ADAR: variants seen among roughly 807,000 people sequenced by gnomAD.
ADAR encodes double-stranded RNA-specific adenosine deaminase.
A neutral mutation model predicts 113.2 loss-of-function variants in ADAR; 41 were observed. That is an observed-to-expected ratio of 0.36 (90% CI 0.28 to 0.47). The LOEUF (loss-of-function observed/expected upper bound fraction) is 0.47, where lower values mean the gene tolerates loss of function less well. ADAR is among the 20% of genes least tolerant of loss of function. ADAR has a pLI of 1.00. For synonymous variants in ADAR, 605 were observed against 572.6 expected, an observed-to-expected ratio of 1.06 and a Z score of -0.81; for missense variants, 1,242 against 1,540.9, an observed-to-expected ratio of 0.81 and a Z score of 3.25.
At chr1:154,586,020 G>A in intron 12 of ADAR, 155 bp from the exon 13 acceptor site, 2 of 1,188,828 alleles carry the variant, frequency 1.7e-6, no homozygotes, top group South Asian at 2.6e-5. Context: ...GGGCTACCAG[G>A]ATCTTCCTAC....
intron 1 of ADAR, among the ~76,000 whole-genome samples, chr1:154,617,259 C>A (rs961406588): frequency 6.6e-6 from 1 of 152,204 alleles, no homozygotes; most frequent in Admixed American, 6.5e-5. Flanking sequence ...TCCCTCATTG[C>A]CACCCTCAAG....
chr1:154,623,639 C>G (rs897749525), intron 1 of ADAR, among the ~76,000 whole-genome samples: 1 of 152,138 alleles, frequency 6.6e-6, no homozygotes, highest in African/African-American at 2.4e-5. Flanking sequence ...TAATTTACAA[C>G]GCTAAAAGAC....
At chr1:154,607,669 G>A (rs1698285535) in intron 1 of ADAR, among the ~76,000 whole-genome samples, 1 of 152,064 alleles carries the variant, frequency 6.6e-6, no homozygotes, top group Non-Finnish European at 1.5e-5. Flanking sequence ...CAGAATTAAT[G>A]AGCAGGATAC....
At chr1:154,627,850 C>T (rs776230388) in intron 1 of ADAR, 1 of 517,600 alleles carries the variant, frequency 1.9e-6, no homozygotes, top group Non-Finnish European at 3.8e-6. Flanking sequence ...GACAGAGGCT[C>T]TTACCGGGTC....
intron 1 of ADAR, among the ~76,000 whole-genome samples, chr1:154,613,281 C>CTTTTTTT (rs56126079): frequency 1.2e-5 from 1 of 84,662 alleles, no homozygotes; most frequent in African/African-American, 4.7e-5. Flanking sequence ...TCACAAATGG[C>CTTTTTTT]TTTTTTTTTT....
chr1:154,593,890 G>GC (rs1557875631), intron 6 of ADAR, among the ~76,000 whole-genome samples: 23 of 146,802 alleles, frequency 1.6e-4, no homozygotes, highest in Non-Finnish European at 1.5e-5. Flanking sequence ...TGATTTTTTT[G>GC]TTTTTTTTTT....
intron 6 of ADAR, among the ~76,000 whole-genome samples, chr1:154,594,220 C>T (rs907321600): frequency 1.3e-5 from 2 of 152,138 alleles, no homozygotes; most frequent in East Asian, 3.8e-4. Context: ...TTTAAAGTAA[C>T]AAGATAGCAT....
chr1:154,620,143 T>C (rs1012565195), intron 1 of ADAR, among the ~76,000 whole-genome samples: 14 of 152,200 alleles, frequency 9.2e-5, no homozygotes, highest in Admixed American at 6.5e-4. Context: ...GCGCGGTGGC[T>C]CATGCCTGTA....
chr1:154,603,981 A>C (rs1571117433), intron 1 of ADAR, among the ~76,000 whole-genome samples: 1 of 152,042 alleles, frequency 6.6e-6, no homozygotes, highest in South Asian at 2.1e-4. Flanking sequence ...CTCCATCCCT[A>C]CCTTTCTGCC....
Position 154,608,060 on chromosome 1 carries a change from G to T in ADAR, c.-54C>A. 1.3e-6 allele frequency: 2 copies of T among 1,534,638 alleles called. No homozygotes were observed. The highest frequency in any genetic ancestry group is 1.8e-6 in the Non-Finnish European group (2 of 1,140,140). ...CCCGCCGGCGGCACGACCCTGGCCCGACCGCTGGGCCGCGCCAGCCCCTCG... is the reference window on the plus strand; with the variant it reads ...CCCGCCGGCGGCACGACCCTGGCCCTACCGCTGGGCCGCGCCAGCCCCTCG... On this transcript the variant is annotated 5_prime_UTR_variant, in exon 1 of 15. Coordinates refer to ENST00000368474, the MANE Select transcript of ADAR (RefSeq NM_001111.5).
chr1:154,602,612 G>T lies in ADAR; in HGVS notation c.30C>A (p.Ser10Arg). 6.2e-7 allele frequency: 1 copy of T among 1,614,020 alleles called. No homozygotes were observed. Among genetic ancestry groups the T allele is most frequent in the African/African-American group, 1.3e-5 (1 of 75,066 alleles). Residue 10 changes from serine (S) to arginine (R), a missense_variant, in exon 2 of 15, where the codon AGC becomes AGA. Transcript: ENST00000368474. MNPRQGYSL[S>R]GYYTHPFQGY... ...CTTGAAATGGATGGGTGTAGTATCC[G>T]CTGAGGGAATACCCCTGCAGAATAA...
intron 2 of ADAR, chr1:154,600,131 T>C (rs1328478995): frequency 6.6e-6 from 1 of 152,336 alleles, no homozygotes; most frequent in Admixed American, 6.5e-5. Context: ...AGGCATGATA[T>C]TGATGCATGG....
Position 154,589,776 on chromosome 1 carries a change from G to A in ADAR, c.2649C>T (p.Val883=), listed in dbSNP as rs200989942. 4.6e-5 allele frequency: 74 copies of A among 1,613,930 alleles called. No homozygotes were observed. The highest frequency in any genetic ancestry group is 6.7e-5 in the African/African-American group (5 of 74,890). ...ACTCACCTGTTCCCAAGCTGACGAC[G>A]ACACCCATGTCCTCAGAGTCTTTTT... ...IMKKDSEDMG[V]VVSLGTGNRC... is the part of the protein sequence containing the mutation. The change falls in exon 8 of 15, where the codon GTC becomes GTT. Residue 883 remains valine, a synonymous_variant. Transcript: ENST00000368474.
intron 6 of ADAR, among the ~76,000 whole-genome samples, chr1:154,595,736 G>C (rs903271603): frequency 6.6e-6 from 1 of 152,148 alleles, no homozygotes; most frequent in Non-Finnish European, 1.5e-5. Flanking sequence ...AATAAATGTA[G>C]TTAGCCTAAG....
rs759585998 is a variant in ADAR at position 154,590,319 on chromosome 1, C to T, written c.2361G>A (p.Ala787=). The T allele has an allele frequency of 1.0e-4, 162 of 1,613,998 alleles. No homozygotes were observed. Among genetic ancestry groups the T allele is most frequent in the Admixed American group, 3.3e-5 (2 of 60,004 alleles). ...KKQGKQEAAD[A]ALRVLIGENE... is the part of the protein sequence containing the mutation. Reference sequence around the variant, plus strand: ...TCTCCCCAATCAAGACACGGAGAGCCGCATCTGCTGCTTCCTGCTTGCCTT... The same window carrying T: ...TCTCCCCAATCAAGACACGGAGAGCTGCATCTGCTGCTTCCTGCTTGCCTT... Residue 787 remains alanine, a synonymous_variant, in exon 7 of 15, where the codon GCG becomes GCA. Coordinates refer to ENST00000368474, the MANE Select transcript of ADAR (RefSeq NM_001111.5).
intron 6 of ADAR, among the ~76,000 whole-genome samples, chr1:154,591,466 G>A (rs1315516363): frequency 2.0e-5 from 3 of 152,256 alleles, no homozygotes; most frequent in African/African-American, 7.2e-5. Context: ...GCAGGCTTAA[G>A]CTAACTCTGG....
At chr1:154,618,640 A>G (rs980192033) in intron 1 of ADAR, among the ~76,000 whole-genome samples, 2 of 152,202 alleles carry the variant, frequency 1.3e-5, no homozygotes, top group Non-Finnish European at 2.9e-5. Flanking sequence ...CAGAAATCCA[A>G]TGCATGATGA....
intron 7 of ADAR, 85 bp downstream of exon 7, chr1:154,590,099 T>C (rs1697029346): frequency 9.3e-6 from 14 of 1,504,476 alleles, no homozygotes; most frequent in Non-Finnish European, 1.3e-5. Flanking sequence ...TAGGAATAAC[T>C]CGCATGACAG....
intron 4 of ADAR, 57 bp downstream of exon 4, chr1:154,597,769 ATG>A: frequency 6.2e-7 from 1 of 1,609,324 alleles, no homozygotes; most frequent in South Asian, 1.1e-5. Flanking sequence ...AAGGAAGAAA[ATG>A]TGTCTCTTTT....
Sources: allele counts gnomAD v4.1 joint callset (sites outside exome capture counted in the v4.1 genomes callset), GRCh38; gene constraint gnomAD v4.1.1; transcripts MANE v1.5; gene names NCBI Gene and HGNC (gene_info 2026-07-23, HGNC 2026-07-21).